The following FAM20A variants were observed in gnomAD, a reference collection of about 807,000 sequenced individuals.
The protein encoded by FAM20A is FAM20A golgi associated secretory pathway pseudokinase, also known as pseudokinase FAM20A.
In FAM20A, 42 loss-of-function variants were observed where a neutral mutation model predicts 52.0. The observed-to-expected ratio is 0.81, with a 90% CI of 0.63 to 1.04. The LOEUF is 1.04. Among genes scored for constraint, FAM20A ranks in the 50% least tolerant of loss-of-function variants. The pLI is 0.00. For synonymous variants in FAM20A, 304 were observed against 298.9 expected (o/e 1.02, Z -0.18); for missense variants, 742 against 712.7 (o/e 1.04, Z -0.47).
At chr17:68,554,430 C>A (rs1327674825) in intron 3 of FAM20A, among the ~76,000 whole-genome samples, 1 of 152,086 alleles carries the variant, frequency 6.6e-6, no homozygotes, top group East Asian at 1.9e-4. Flanking sequence ...TAGTGGGCAC[C>A]ATTTGCTTCT....
At chr17:68,547,859 T>G (rs2086640071) in intron 4 of FAM20A, among the ~76,000 whole-genome samples, 1 of 152,266 alleles carries the variant, frequency 6.6e-6, no homozygotes, top group African/African-American at 2.4e-5. Context: ...CTTGCCTGAC[T>G]GGCACAAAAA....
chr17:68,537,501 AGAGTCTG>A lies in FAM20A; in HGVS notation c.1595_1601del (p.Pro532LeufsTer6), dbSNP rs752291813. On this transcript the variant is annotated frameshift_variant, in exon 11 of 11. Transcript: ENST00000592554. LOFTEE classifies it high-confidence loss of function. The surrounding 1 kb of genome is among the most constrained non-coding windows in gnomAD (Gnocchi z 4.2). ...CTTAGCTTGTCAAGTTAGCCTGGCC[AGAGTCTG>A]GGGCCAACTGTTCCACTGGGCCGTC... 4.3e-6 allele frequency: 7 copies of A among 1,613,932 alleles called. No individual in the cohort carries two copies. The Admixed American group carries it at 1.2e-4, about 27-fold the overall frequency.
chr17:68,582,922 C>T (rs922627083), intron 1 of FAM20A, among the ~76,000 whole-genome samples: 3 of 151,290 alleles, frequency 2.0e-5, no homozygotes, highest in Non-Finnish European at 4.4e-5. Flanking sequence ...ACCTTAGCCT[C>T]CCGAGTAGCT....
At chr17:68,546,168 C>CAAA (rs750780505) in intron 4 of FAM20A, among the ~76,000 whole-genome samples, 2 of 98,920 alleles carry the variant, frequency 2.0e-5, no homozygotes, top group African/African-American at 4.4e-5. Context: ...GACTCCATCT[C>CAAA]AAAAAAAAAA....
At chr17:68,551,973 G>A (rs781342403) in intron 3 of FAM20A, 22 bp from the exon 4 acceptor site, 2 of 1,520,054 alleles carry the variant, frequency 1.3e-6, no homozygotes, top group East Asian at 2.4e-5. Flanking sequence ...AGAAGGGTGA[G>A]TTAACCATGC....
At chr17:68,549,083 A>G (rs1486862017) in intron 4 of FAM20A, among the ~76,000 whole-genome samples, 1 of 152,144 alleles carries the variant, frequency 6.6e-6, no homozygotes. Flanking sequence ...GCTGTGAGTT[A>G]TGTTAATTTA....
At chr17:68,584,123 C>T (rs930330513) in intron 1 of FAM20A, among the ~76,000 whole-genome samples, 8 of 151,926 alleles carry the variant, frequency 5.3e-5, no homozygotes, top group Middle Eastern at 3.4e-3. Flanking sequence ...TTGAGACTAG[C>T]GTGACCAACA....
chr17:68,541,906 C>A, intron 7 of FAM20A, 79 bp downstream of exon 7: 1 of 1,507,750 alleles, frequency 6.6e-7, no homozygotes. Context: ...ATTCAAAAGC[C>A]AAGCTAGCAA....
intron 1 of FAM20A, among the ~76,000 whole-genome samples, chr17:68,564,445 A>G (rs1339826610): frequency 1.3e-5 from 2 of 152,248 alleles, no homozygotes; most frequent in African/African-American, 4.8e-5. Flanking sequence ...AACCAGAAAC[A>G]ACCAGCTTTG....
chr17:68,580,007 T>C (rs1390435518), intron 1 of FAM20A, among the ~76,000 whole-genome samples: 2 of 152,078 alleles, frequency 1.3e-5, no homozygotes, highest in Non-Finnish European at 2.9e-5. Flanking sequence ...CTATTAATAG[T>C]TTGCATTTGC....
At chr17:68,594,803 T>C (rs185201232) in intron 1 of FAM20A, among the ~76,000 whole-genome samples, 17 of 152,348 alleles carry the variant, frequency 1.1e-4, no homozygotes, top group African/African-American at 4.1e-4. Context: ...CTGCTTTGAA[T>C]CTCACTTCCT....
chr17:68,543,383 A>G (rs1198358888), intron 5 of FAM20A, among the ~76,000 whole-genome samples: 3 of 152,202 alleles, frequency 2.0e-5, no homozygotes, highest in Non-Finnish European at 4.4e-5. Flanking sequence ...CCCAAGCAGC[A>G]TGGCGGGAAG....
intron 1 of FAM20A, among the ~76,000 whole-genome samples, chr17:68,590,873 C>T (rs2088285604): frequency 6.6e-6 from 1 of 152,158 alleles, no homozygotes; most frequent in African/African-American, 2.4e-5. Flanking sequence ...CGGTGGGAAT[C>T]AGCCTCCATC....
At chr17:68,539,990 C>A (rs762927013) in intron 8 of FAM20A, 24 bp from the exon 9 acceptor site, 3 of 1,609,608 alleles carry the variant, frequency 1.9e-6, no homozygotes, top group Middle Eastern at 1.7e-4. Context: ...GAGGACTTAG[C>A]TGGAACCAGC....
chr17:68,597,421 G>A (rs1229454293), intron 1 of FAM20A, among the ~76,000 whole-genome samples: 1 of 151,734 alleles, frequency 6.6e-6, no homozygotes, highest in Non-Finnish European at 1.5e-5. Flanking sequence ...ATCTCACTGT[G>A]TTGCCCAGGC....
rs145639562 is a variant in FAM20A, at chr17:68,548,378, A to G, written c.719+3495T>C. ...AACCCCGTCTCTACTAAAAATGCAAAAATTAGCCAGGTGTGGTGGGCAGCG... is the reference window on the plus strand; with the variant it reads ...AACCCCGTCTCTACTAAAAATGCAAGAATTAGCCAGGTGTGGTGGGCAGCG... On this transcript the variant is annotated intron_variant, in intron 4 of 10. Coordinates refer to ENST00000592554, the MANE Select transcript of FAM20A (RefSeq NM_017565.4). Among the ~76,000 whole-genome samples, 437 of 152,258 alleles carry G rather than the reference A, an allele frequency of 2.9e-3. 7 individuals carry two copies. The East Asian group carries it at 0.05, about 17-fold the overall frequency.
chr17:68,551,839 A>C, intron 4 of FAM20A, 34 bp downstream of exon 4: 1 of 1,516,594 alleles, frequency 6.6e-7, no homozygotes, highest in Non-Finnish European at 9.0e-7. Flanking sequence ...GGCCACCCCA[A>C]CTGGGTGTGG....
At chr17:68,541,773 T>C (rs1162652883) in intron 7 of FAM20A, 7 of 544,408 alleles carry the variant, frequency 1.3e-5, no homozygotes, top group Non-Finnish European at 2.3e-5. Flanking sequence ...TAACACCTAG[T>C]GTTGGGTATA....
intron 1 of FAM20A, among the ~76,000 whole-genome samples, chr17:68,582,980 G>C (rs998922974): frequency 2.3e-5 from 3 of 131,756 alleles, no homozygotes. Context: ...TTTTTTTTTT[G>C]TATTTTTAGT....
Sources: gnomAD v4.1 joint callset for allele counts (sites outside exome capture counted in the v4.1 genomes callset) on GRCh38, gnomAD v4.1.1 for gene constraint, Gnocchi (gnomAD v3.1) non-coding constraint, MANE v1.5 for transcripts, NCBI Gene and HGNC (gene_info 2026-07-23, HGNC 2026-07-21) for gene names.